Variants in ABHD11 observed in about 807,000 individuals in gnomAD.
ABHD11 encodes the protein sn-1-specific diacylglycerol lipase ABHD11.
A neutral mutation model predicts 29.0 loss-of-function variants in ABHD11; 26 were observed. The ratio of observed to expected loss-of-function variants is 0.90; its 90% CI spans 0.66 to 1.24. ABHD11 has a LOEUF of 1.24. Among genes scored for constraint, ABHD11 ranks in the 50% most tolerant of loss-of-function variants. The probability of loss-of-function intolerance (pLI) is 0.00; values close to 1 mark genes in which losing one functional copy is unlikely to be tolerated. For synonymous variants in ABHD11, 169 were observed against 166.4 expected (o/e 1.02, Z -0.12); for missense variants, 381 against 422.4 (o/e 0.90, Z 0.86).
chr7:73,738,459 G>A lies in ABHD11; in HGVS notation c.130C>T (p.Leu44Phe). 6.2e-7 allele frequency: 1 copy of A among 1,610,188 alleles called. No individual in the cohort carries two copies. The highest frequency in any genetic ancestry group is 8.5e-7 in the Non-Finnish European group (1 of 1,178,196). Residue 44 changes from leucine to phenylalanine, a missense_variant, in exon 2 of 6, where the codon CTT (leucine) becomes TTT (phenylalanine). Transcript: ENST00000222800. ...TCCAGAAGCCTGTAGGAAAGCGGAAGCGGCCTGGCAGGGGAAGGATCGAGG... is the reference window on the plus strand; with the variant it reads ...TCCAGAAGCCTGTAGGAAAGCGGAAACGGCCTGGCAGGGGAAGGATCGAGG... ...GGRGGAEPRPLPLSYRLLDGE... is the reference protein window; with the variant it reads ...GGRGGAEPRPFPLSYRLLDGE...
At chr7:73,738,006 G>C in intron 2 of ABHD11, 1 of 753,322 alleles carries the variant, frequency 1.3e-6, no homozygotes. Context: ...GGAGACTCCA[G>C]GAATTTCCAA....
chr7:73,738,725 C>G lies in ABHD11; in HGVS notation c.46G>C (p.Gly16Arg), dbSNP rs138570043. Residue 16 changes from glycine (G) to arginine (R), a missense_variant, in exon 1 of 6, where the codon GGC becomes CGC. Transcript: ENST00000222800. ...RAWRLPREGL[G>R]PHGPSFARVP... Reference sequence around the variant, plus strand: ...CTCGCGAAGCTAGGGCCGTGGGGGCCGAGTCCCTCACGCGGGAGCCTCCAG... The same window carrying G: ...CTCGCGAAGCTAGGGCCGTGGGGGCGGAGTCCCTCACGCGGGAGCCTCCAG... 1.2e-6 allele frequency: 2 copies of G among 1,608,896 alleles called. No homozygotes were observed. Among genetic ancestry groups the G allele is most frequent in the East Asian group, 4.5e-5 (2 of 44,620 alleles).
At chr7:73,736,785 A>G (rs1584275627) in intron 5 of ABHD11, 94 bp from the exon 6 acceptor site, 1 of 1,596,068 alleles carries the variant, frequency 6.3e-7, no homozygotes, top group East Asian at 2.2e-5. Flanking sequence ...AGAAATGGAG[A>G]GAGCTGTGTG....
At position 73,736,960 on chromosome 7, in the gene ABHD11, A is replaced by G; in HGVS notation, c.757T>C (p.Phe253Leu). The change falls in exon 5 of 6, where the codon TTT becomes CTT. Residue 253 changes from phenylalanine to leucine, a missense_variant. Coordinates refer to ENST00000222800, the MANE Select transcript of ABHD11 (RefSeq NM_148912.4). ...RQESYLGPTL[F>L]LLGGNSQFVH... ...AACTGGGAGTTTCCACCAAGGAGAAAGAGTGTTGGCCCGAGGTAGGACTCC... is the reference window on the plus strand; with the variant it reads ...AACTGGGAGTTTCCACCAAGGAGAAGGAGTGTTGGCCCGAGGTAGGACTCC... The G allele has an allele frequency of 2.5e-6, 4 of 1,613,742 alleles. No homozygotes were observed. The highest frequency in any genetic ancestry group is 3.4e-6 in the Non-Finnish European group (4 of 1,179,958).
Position 73,737,051 on chromosome 7 carries a change from C to A in ABHD11, c.666G>T (p.Val222=). The A allele has an allele frequency of 6.2e-7, 1 of 1,614,152 alleles. No homozygotes were observed. Among genetic ancestry groups the A allele is most frequent in the Non-Finnish European group, 8.5e-7 (1 of 1,180,040 alleles). ...TNLVEVDGRF[V]WRVNLDALTQ... ...TCAGGGCATCCAAGTTCACCCTCCA[C>A]ACGAAGCGCCCGTCTACCTCTACCA... Residue 222 remains valine, a synonymous_variant, in exon 5 of 6, where the codon GTG becomes GTT. Coordinates refer to ENST00000222800, the MANE Select transcript of ABHD11 (RefSeq NM_148912.4).
Position 73,738,671 on chromosome 7 carries a change from C to CGCT in ABHD11, c.97_99dup (p.Ser33dup), listed in dbSNP as rs782298539. ...CTCGGCTCGGCGCCCCCTCGGCCGC[C>CGCT]GCTGCTGCTGCTGGGTGCGACAGGC... is the stretch of plus-strand genomic sequence containing the variant. On this transcript the variant is annotated inframe_insertion, in exon 1 of 6. Coordinates refer to ENST00000222800, the MANE Select transcript of ABHD11 (RefSeq NM_148912.4). 3.8e-6 allele frequency: 6 copies of CGCT among 1,598,380 alleles called. No individual in the cohort carries two copies. The highest frequency in any genetic ancestry group is 3.4e-5 in the South Asian group (3 of 89,154).
At position 73,738,778 on chromosome 7, in the gene ABHD11, A is replaced by C; in HGVS notation, c.-8T>G. The stretch of plus-strand genomic sequence containing the variant: ...TCGGGTCCAGCGGAGCATGCTTGCA[A>C]GCTGTTGGCCGGCTCGCATCTCACA... On this transcript the variant is annotated 5_prime_UTR_variant, in exon 1 of 6. Coordinates refer to ENST00000222800, the MANE Select transcript of ABHD11 (RefSeq NM_148912.4). 6.2e-7 allele frequency: 1 copy of C among 1,601,898 alleles called. No homozygotes were observed. The highest frequency in any genetic ancestry group is 8.5e-7 in the Non-Finnish European group (1 of 1,173,612).
At position 73,736,246 on chromosome 7, in the gene ABHD11, T is replaced by G. The variant is rs560439654; in HGVS notation, c.*313A>C. 4.2e-6 allele frequency: 2 copies of G among 481,108 alleles called. No homozygotes were observed. Among genetic ancestry groups the G allele is most frequent in the East Asian group, 1.2e-4 (2 of 16,338 alleles). 29.8% of individuals were successfully genotyped at this position (481,108 alleles called of 1,614,324 possible). On this transcript the variant is annotated 3_prime_UTR_variant, in exon 6 of 6. Coordinates refer to ENST00000222800, the MANE Select transcript of ABHD11 (RefSeq NM_148912.4). ...CTGGGGTTTTGTGCCTCCTTTTTGTTTTGTTTTTTTTGAGACAGAGTCTTG... is the reference window on the plus strand; with the variant it reads ...CTGGGGTTTTGTGCCTCCTTTTTGTGTTGTTTTTTTTGAGACAGAGTCTTG...
intron 2 of ABHD11, 43 bp downstream of exon 2, chr7:73,738,285 T>TCCCGCCCAGCCCCAAAGGAGC (rs782049406): frequency 1.3e-6 from 1 of 786,794 alleles, no homozygotes; most frequent in Non-Finnish European, 2.0e-6. Context: ...CCCCGCCCAC[T>TCCCGCCCAGCCCCAAAGGAGC]CCCGCCCAGC....
rs1799840690 is a variant in ABHD11 at position 73,736,130 on chromosome 7, T to A, written c.*429A>T. 2.2e-6 allele frequency: 1 copy of A among 456,862 alleles called. No homozygotes were observed. The highest frequency in any genetic ancestry group is 2.3e-5 in the Admixed American group (1 of 42,560). 28.3% of individuals were successfully genotyped at this position (456,862 alleles called of 1,614,324 possible). The stretch of plus-strand genomic sequence containing the variant: ...TGTCTTTATTCATTAAAGCCTGAGG[T>A]CTGACCACCCCTGTAAAACCTCGTG... On this transcript the variant is annotated 3_prime_UTR_variant, in exon 6 of 6. Transcript: ENST00000222800.
Position 73,736,366 on chromosome 7 carries a change from A to C in ABHD11, c.*193T>G. ...GTGATTCTCCTGCCTCAGCCTCCAG[A>C]GTAGCTGGGATTACAGGTGTGCACC... On this transcript the variant is annotated 3_prime_UTR_variant, in exon 6 of 6. Coordinates refer to ENST00000222800, the MANE Select transcript of ABHD11 (RefSeq NM_148912.4). 1 of 665,628 alleles carries C rather than the reference A, an allele frequency of 1.5e-6. No homozygotes were observed. Among genetic ancestry groups the C allele is most frequent in the Non-Finnish European group, 2.5e-6 (1 of 402,412 alleles). The allele number at this position is 665,628 out of a possible 1,614,324, so 41.2% of individuals were successfully genotyped here. A position where few individuals can be genotyped will look rare whatever the true frequency, so the allele number is the denominator to read the frequency against.
chr7:73,738,020 T>A, intron 2 of ABHD11: 1 of 742,516 alleles, frequency 1.3e-6, no homozygotes. Flanking sequence ...TTTCCAACAG[T>A]AGGAGCACAG....
rs376555930 is a variant in ABHD11 at position 73,736,823 on chromosome 7, C to T, written c.788+106G>A. 231 of 1,570,952 alleles carry T rather than the reference C, an allele frequency of 1.5e-4. 4 individuals are homozygous for T. The East Asian group carries it at 1.8e-3, about 12-fold the overall frequency. On this transcript the variant is annotated intron_variant, in intron 5 of 5. Coordinates refer to ENST00000222800, the MANE Select transcript of ABHD11 (RefSeq NM_148912.4). ...CCCATATGCCCGGTGGTATTTCTGG[C>T]CTCTCAGCCACCCCCCTTCCACACC...
At chr7:73,738,589 G>A (rs1554622920) in intron 1 of ABHD11, 57 bp downstream of exon 1, 3 of 1,567,434 alleles carry the variant, frequency 1.9e-6, no homozygotes, top group South Asian at 1.2e-5. Context: ...GGGCCGTCGG[G>A]GCCCGGCAGG....
rs1209259762 is a variant in ABHD11 at position 73,737,053 on chromosome 7, C to T, written c.664G>A (p.Val222Met). The T allele has an allele frequency of 1.1e-5, 17 of 1,613,986 alleles. No individual in the cohort carries two copies. The highest frequency in any genetic ancestry group is 3.3e-5 in the South Asian group (3 of 91,096). ...AGGGCATCCAAGTTCACCCTCCACA[C>T]GAAGCGCCCGTCTACCTCTACCAGG... ...TNLVEVDGRF[V>M]WRVNLDALTQ... Residue 222 changes from valine to methionine, a missense_variant, in exon 5 of 6, where the codon GTG (valine) becomes ATG (methionine). Coordinates refer to ENST00000222800, the MANE Select transcript of ABHD11 (RefSeq NM_148912.4).
chr7:73,738,322 G>A lies in ABHD11; in HGVS notation c.261+6C>T. ...CCAAAGGAGCCCCGCCCACTCGAAA[G>A]CTCACCCTACGGCCTGTCTGCTGGG... On this transcript the variant is annotated splice_donor_region_variant and intron_variant, in intron 2 of 5. Coordinates refer to ENST00000222800, the MANE Select transcript of ABHD11 (RefSeq NM_148912.4). 2 of 1,285,154 alleles carry A rather than the reference G, an allele frequency of 1.6e-6. No homozygotes were observed. The highest frequency in any genetic ancestry group is 2.1e-6 in the Non-Finnish European group (2 of 951,956). The allele number at this position is 1,285,154 out of a possible 1,614,324, so 79.6% of individuals were successfully genotyped here.
At chr7:73,737,898 C>G (rs1300395473) in intron 2 of ABHD11, 163 bp from the exon 3 acceptor site, 1 of 1,093,714 alleles carries the variant, frequency 9.1e-7, no homozygotes, top group Non-Finnish European at 1.3e-6. Context: ...GATGAAGAAC[C>G]TGGGGCCACT....
In ABHD11 at chr7:73,738,368, T is replaced by C. The variant is rs782535505; in HGVS notation, c.221A>G (p.Asn74Ser). ...HGLFGSKTNF[N>S]SIAKILAQQT... ...CTGGGCCAAGATCTTGGCGATGGAGTTGAAGTTAGTTTTGCTGCCGAAGAG... is the reference window on the plus strand; with the variant it reads ...CTGGGCCAAGATCTTGGCGATGGAGCTGAAGTTAGTTTTGCTGCCGAAGAG... The change falls in exon 2 of 6, where the codon AAC (asparagine) becomes AGC (serine). Residue 74 changes from asparagine (N) to serine (S), a missense_variant. Asn to Ser is a conservative substitution (Grantham distance 46). Transcript: ENST00000222800. 1.9e-6 allele frequency: 3 copies of C among 1,562,356 alleles called. No homozygotes were observed. Among genetic ancestry groups the C allele is most frequent in the Non-Finnish European group, 2.6e-6 (3 of 1,150,662 alleles).
chr7:73,738,274 G>GCCCCCCCCCCACCCCC, intron 2 of ABHD11, 54 bp downstream of exon 2: 1 of 1,357,198 alleles, frequency 7.4e-7, no homozygotes, highest in African/African-American at 1.4e-5. Flanking sequence ...CTCCTCTCAG[G>GCCCCCCCCCCACCCCC]CCCCGCCCAC....
Sources: gnomAD v4.1 joint callset for allele counts on GRCh38, gnomAD v4.1.1 for gene constraint, MANE v1.5 for transcripts, NCBI Gene and HGNC (gene_info 2026-07-23, HGNC 2026-07-21) for gene names.